Variants in MACROD2 observed in about 807,000 individuals in gnomAD.
MACROD2 encodes the protein ADP-ribose glycohydrolase MACROD2.
MACROD2 carries 36 observed loss-of-function variants against 70.4 expected under a neutral mutation model. That is an observed-to-expected ratio of 0.51 (90% CI 0.39 to 0.68). The LOEUF is 0.68. Among genes scored for constraint, MACROD2 ranks in the 30% least tolerant of loss-of-function variants. The pLI is 0.00. For missense variants in MACROD2, 496 were observed against 538.4 expected, an observed-to-expected ratio of 0.92 and a Z score of 0.78; for synonymous variants, 172 against 178.8, an observed-to-expected ratio of 0.96 and a Z score of 0.30.
chr20:15,949,847 G>A (rs1277016356), intron 12 of MACROD2, among the ~76,000 whole-genome samples: 1 of 152,086 alleles, frequency 6.6e-6, no homozygotes, highest in African/African-American at 2.4e-5. Flanking sequence ...TACCAGAATT[G>A]ACCTGATTCA....
chr20:15,219,732 G>T (rs1336894804), intron 5 of MACROD2, among the ~76,000 whole-genome samples: 1 of 152,034 alleles, frequency 6.6e-6, no homozygotes. Context: ...GCTTTATTTT[G>T]GTGGAGAGGT....
chr20:15,104,640 G>A lies in MACROD2; in HGVS notation c.419-125300G>A, dbSNP rs185574792. On this transcript the variant is annotated intron_variant, in intron 5 of 17. Coordinates refer to ENST00000684519, the MANE Select transcript of MACROD2 (RefSeq NM_001351661.2). ...AATAGTCTACATACCTGCGGATCTC[G>A]TTGTTGATACGCCCATATTGCTTCC... Among the ~76,000 whole-genome samples the A allele has an allele frequency of 2.8e-3, 432 of 151,874 alleles. 4 individuals are homozygous for A. The highest frequency in any genetic ancestry group is 4.0e-3 in the Non-Finnish European group (275 of 67,994).
chr20:15,104,018 G>A (rs1469083359), intron 5 of MACROD2, among the ~76,000 whole-genome samples: 1 of 152,162 alleles, frequency 6.6e-6, no homozygotes, highest in Non-Finnish European at 1.5e-5. Flanking sequence ...ACAAGTGATG[G>A]TGATGGCTTT....
intron 6 of MACROD2, among the ~76,000 whole-genome samples, chr20:15,387,920 TTTA>T (rs2094852584): frequency 7.6e-6 from 1 of 131,116 alleles, no homozygotes; most frequent in Admixed American, 7.8e-5. Flanking sequence ...CTTGTATTTA[TTTA>T]TTTTTTTTGT....
intron 6 of MACROD2, among the ~76,000 whole-genome samples, chr20:15,387,741 T>TA (rs1491203979): frequency 2.2e-5 from 2 of 92,994 alleles, no homozygotes; most frequent in African/African-American, 7.1e-5. Context: ...CTCAGGGATT[T>TA]TTTTTTTTTT....
intron 4 of MACROD2, among the ~76,000 whole-genome samples, chr20:14,540,906 A>T (rs950538649): frequency 6.6e-6 from 1 of 152,180 alleles, no homozygotes; most frequent in Admixed American, 6.5e-5. Flanking sequence ...TTCTTCATAT[A>T]GATTCCATTT....
At chr20:14,037,971 G>A (rs528453973) in intron 2 of MACROD2, among the ~76,000 whole-genome samples, 1 of 151,986 alleles carries the variant, frequency 6.6e-6, no homozygotes, top group African/African-American at 2.4e-5. Context: ...GTGAGGGTAC[G>A]GGGGCGAGAT....
intron 8 of MACROD2, among the ~76,000 whole-genome samples, chr20:15,677,264 CT>C (rs2050071080): frequency 6.6e-6 from 1 of 152,080 alleles, no homozygotes; most frequent in Non-Finnish European, 1.5e-5. Flanking sequence ...TTTGGGCTCT[CT>C]TTCCTACTGT....
intron 5 of MACROD2, among the ~76,000 whole-genome samples, chr20:14,975,504 T>A (rs1334211001): frequency 6.6e-6 from 1 of 151,724 alleles, no homozygotes; most frequent in Non-Finnish European, 1.5e-5. Context: ...CTTCGACAGG[T>A]GGGTTTAAGA....
intron 8 of MACROD2, among the ~76,000 whole-genome samples, chr20:15,619,972 A>G (rs2049101488): frequency 6.6e-6 from 1 of 152,090 alleles, no homozygotes; most frequent in South Asian, 2.1e-4. Flanking sequence ...CATCTTAAGC[A>G]GGGCGTGGTC....
At chr20:15,593,857 G>C (rs2048710692) in intron 8 of MACROD2, among the ~76,000 whole-genome samples, 1 of 152,128 alleles carries the variant, frequency 6.6e-6, no homozygotes, top group Non-Finnish European at 1.5e-5. Flanking sequence ...AGAGGCATCT[G>C]GCATCTTTCA....
intron 5 of MACROD2, among the ~76,000 whole-genome samples, chr20:15,002,081 A>C (rs1476150497): frequency 1.3e-5 from 2 of 152,236 alleles, no homozygotes; most frequent in Non-Finnish European, 2.9e-5. Context: ...ACATGCATGC[A>C]CAACTATCTT....
intron 5 of MACROD2, among the ~76,000 whole-genome samples, chr20:14,813,081 A>G (rs1456638551): frequency 6.6e-6 from 1 of 151,820 alleles, no homozygotes; most frequent in Non-Finnish European, 1.5e-5. Context: ...TTTTTTACAG[A>G]GTTGATATGA....
intron 8 of MACROD2, among the ~76,000 whole-genome samples, chr20:15,589,677 T>G (rs984688303): frequency 6.6e-6 from 1 of 152,250 alleles, no homozygotes; most frequent in African/African-American, 2.4e-5. Context: ...CTCTGCCTAC[T>G]CATCCCTTCC....
At chr20:15,401,317 C>G (rs147977543) in intron 6 of MACROD2, among the ~76,000 whole-genome samples, 1 of 152,148 alleles carries the variant, frequency 6.6e-6, no homozygotes, top group East Asian at 1.9e-4. Context: ...GGATTACAGG[C>G]GTGAGCCACC....
At chr20:15,861,448 G>A (rs1295989282) in intron 8 of MACROD2, among the ~76,000 whole-genome samples, 2 of 152,164 alleles carry the variant, frequency 1.3e-5, no homozygotes, top group Non-Finnish European at 2.9e-5. Flanking sequence ...CACCAGACAC[G>A]AAAGTGAACA....
intron 3 of MACROD2, among the ~76,000 whole-genome samples, chr20:14,137,226 T>C (rs1454505092): frequency 6.8e-6 from 1 of 146,298 alleles, no homozygotes; most frequent in East Asian, 2.0e-4. Flanking sequence ...AACAGTTGAT[T>C]AACACATGTT....
At chr20:15,118,631 G>A (rs1181353967) in intron 5 of MACROD2, among the ~76,000 whole-genome samples, 1 of 152,128 alleles carries the variant, frequency 6.6e-6, no homozygotes, top group Non-Finnish European at 1.5e-5. Flanking sequence ...TCAGTTCTGA[G>A]ATACTCTTTT....
intron 3 of MACROD2, among the ~76,000 whole-genome samples, chr20:14,409,773 C>G (rs1359879894): frequency 6.6e-6 from 1 of 152,078 alleles, no homozygotes; most frequent in Non-Finnish European, 1.5e-5. Context: ...TTAATTGCTG[C>G]TCGGGTTGGA....
Sources: allele counts gnomAD v4.1 joint callset (sites outside exome capture counted in the v4.1 genomes callset), GRCh38; gene constraint gnomAD v4.1.1; transcripts MANE v1.5; gene names NCBI Gene and HGNC (gene_info 2026-07-23, HGNC 2026-07-21).